Variants in GPR153 observed in about 807,000 individuals in gnomAD.
GPR153 encodes probable G protein-coupled receptor 153.
A neutral mutation model predicts 34.1 loss-of-function variants in GPR153; 27 were observed. The observed-to-expected ratio is 0.79, with a 90% confidence interval of 0.58 to 1.09. The LOEUF is 1.09. Ranked by LOEUF, GPR153 falls within the 50% of genes least tolerant of loss-of-function variation. GPR153 has a pLI of 0.00. For synonymous variants in GPR153, 408 were observed against 405.4 expected, an observed-to-expected ratio of 1.01 and a Z score of -0.08; for missense variants, 848 against 860.2, an observed-to-expected ratio of 0.99 and a Z score of 0.18.
chr1:6,251,706 G>T lies in GPR153; in HGVS notation c.787-176C>A. The T allele has an allele frequency of 3.4e-6, 1 of 290,456 alleles. No individual in the cohort carries two copies. The highest frequency in any genetic ancestry group is 5.1e-6 in the Non-Finnish European group (1 of 194,728). The allele number at this position is 290,456 out of a possible 1,614,324, so 18.0% of individuals were successfully genotyped here. On this transcript the variant is annotated intron_variant, in intron 3 of 5. Transcript: ENST00000377893. This position sits in a 1 kb window ranked among gnomAD's most constrained non-coding sequence, Gnocchi z 4.9. ...GTGGCAGTGGGAGGCCCCGCCTTCC[G>T]GGAGCTACCTGGCTACTGGGCAGCA...
At chr1:6,255,647 T>TTTG (rs1638552216) in intron 1 of GPR153, among the ~76,000 whole-genome samples, 1 of 119,072 alleles carries the variant, frequency 8.4e-6, no homozygotes, top group Non-Finnish European at 1.7e-5. Flanking sequence ...GCTACGTTTT[T>TTTG]TTTTTTTTTT....
chr1:6,251,492 C>G lies in GPR153; in HGVS notation c.825G>C (p.Ala275=). ...ACAGCACGCAGAGTGCCATCCAGGGCGCTGAGGCGTCGGCCCGCAGGCTGC... is the reference window on the plus strand; with the variant it reads ...ACAGCACGCAGAGTGCCATCCAGGGGGCTGAGGCGTCGGCCCGCAGGCTGC... ...SFSSLRADAS[A]PWMALCVLWC... is the part of the protein sequence containing the mutation. Residue 275 remains alanine (A), a synonymous_variant, in exon 4 of 6, where the codon GCG becomes GCC. Transcript: ENST00000377893. This position sits in a 1 kb window ranked among gnomAD's most constrained non-coding sequence, Gnocchi z 4.9. 1 of 1,611,002 alleles carries G rather than the reference C, an allele frequency of 6.2e-7. No individual in the cohort carries two copies. The highest frequency in any genetic ancestry group is 8.5e-7 in the Non-Finnish European group (1 of 1,179,110).
rs1638457201 is a variant in GPR153, at chr1:6,251,894, TAA to T, written c.787-366_787-365del. The stretch of plus-strand genomic sequence containing the variant: ...CACTGCAGCCTCCATCTCCTGGGCT[TAA>T]GAGATCCTCCTGCCTCGGCCTCCCA... On this transcript the variant is annotated intron_variant, in intron 3 of 5. Transcript: ENST00000377893. This position sits in a 1 kb window ranked among gnomAD's most constrained non-coding sequence, Gnocchi z 4.9. 6.6e-6 allele frequency among the ~76,000 whole-genome samples: 1 copy of T among 152,132 alleles called. No homozygotes were observed. Among genetic ancestry groups the T allele is most frequent in the Non-Finnish European group, 1.5e-5 (1 of 68,024 alleles).
chr1:6,256,429 G>A (rs1638570781), intron 1 of GPR153, among the ~76,000 whole-genome samples: 2 of 148,350 alleles, frequency 1.3e-5, no homozygotes, highest in Non-Finnish European at 3.0e-5. Flanking sequence ...GGAGTGCAGT[G>A]GCACCACCTC....
chr1:6,250,321 G>A (rs1638413391), intron 5 of GPR153, 119 bp downstream of exon 5: 1 of 1,450,740 alleles, frequency 6.9e-7, no homozygotes, highest in African/African-American at 1.4e-5. Context: ...TCCTCGGATG[G>A]TGACAGCCAC....
At position 6,247,684 on chromosome 1, in the gene GPR153, G is replaced by A. The variant is rs1638331378; in HGVS notation, c.*1654C>T. 6.6e-6 allele frequency: 1 copy of A among 152,276 alleles called. No homozygotes were observed. Among genetic ancestry groups the A allele is most frequent in the African/African-American group, 2.4e-5 (1 of 41,454 alleles). 9.4% of individuals were successfully genotyped at this position (152,276 alleles called of 1,614,324 possible). A position where few individuals can be genotyped will look rare whatever the true frequency, so the allele number is the denominator to read the frequency against. On this transcript the variant is annotated 3_prime_UTR_variant, in exon 6 of 6. Coordinates refer to ENST00000377893, the MANE Select transcript of GPR153 (RefSeq NM_207370.4). ...TGAGTGAAAACCTAAGGTGACAAGT[G>A]GACAGACGCCCCCCAGATGGAGGAG...
rs371697045 is a variant in GPR153, at chr1:6,254,066, G to A, written c.438C>T (p.Ala146=). Residue 146 remains alanine (A), a synonymous_variant, in exon 3 of 6, where the codon GCC becomes GCT. Transcript: ENST00000377893. ...MVSFILSALP[A]VGWHDTSERF... ...GCTCGCTGGTGTCGTGCCAGCCAAC[G>A]GCAGGCAGGGCCGACAGGATGAAGG... is the stretch of plus-strand genomic sequence containing the variant. The A allele has an allele frequency of 2.1e-5, 34 of 1,613,442 alleles. No individual in the cohort carries two copies. The highest frequency in any genetic ancestry group is 4.0e-5 in the African/African-American group (3 of 74,928).
chr1:6,251,307 C>T lies in GPR153; in HGVS notation c.979+31G>A, dbSNP rs770961907. 2 of 1,546,004 alleles carry T rather than the reference C, an allele frequency of 1.3e-6. No individual in the cohort carries two copies. The highest frequency in any genetic ancestry group is 2.7e-5 in the African/African-American group (2 of 73,282). ...CCAATGACCTAACCTAGACGCCACT[C>T]TCCCTGGGGCCACTCTCAGGCCATC... On this transcript the variant is annotated intron_variant, in intron 4 of 5. Coordinates refer to ENST00000377893, the MANE Select transcript of GPR153 (RefSeq NM_207370.4). The surrounding 1 kb of genome is among the most constrained non-coding windows in gnomAD (Gnocchi z 4.9).
intron 4 of GPR153, 84 bp from the exon 5 acceptor site, chr1:6,250,708 C>T (rs963334249): frequency 1.4e-6 from 1 of 702,448 alleles, no homozygotes; most frequent in Non-Finnish European, 2.4e-6. Context: ...CCAGGGATCC[C>T]CCTGAGATCC....
rs774358565 is a variant in GPR153 at position 6,254,781 on chromosome 1, A to G, written c.125T>C (p.Leu42Ser). The G allele has an allele frequency of 6.2e-7, 1 of 1,613,712 alleles. No individual in the cohort carries two copies. The highest frequency in any genetic ancestry group is 2.2e-5 in the East Asian group (1 of 44,872). The change falls in exon 2 of 6, where the codon TTG becomes TCG. Residue 42 changes from leucine (L) to serine (S), a missense_variant. Physicochemically the swap from Leu to Ser is moderately radical, Grantham distance 145. Transcript: ENST00000377893. The part of the protein sequence containing the change: ...VGAKQKKWKP[L>S]EFLLCTLAAT... ...CGCGAGTGTACACAGCAGGAACTCCAAGGGCTTCCACTTCTTCTGCTTGGC... is the reference window on the plus strand; with the variant it reads ...CGCGAGTGTACACAGCAGGAACTCCGAGGGCTTCCACTTCTTCTGCTTGGC...
Position 6,254,214 on chromosome 1 carries a change from G to T in GPR153, c.357-67C>A, listed in dbSNP as rs570266220. On this transcript the variant is annotated intron_variant, in intron 2 of 5. Coordinates refer to ENST00000377893, the MANE Select transcript of GPR153 (RefSeq NM_207370.4). ...CACAGGGCCTCCCCAGGCCTCTGGG[G>T]ACCTGTAGGGGATCCGCACCACCCA... 5 of 1,470,912 alleles carry T rather than the reference G, an allele frequency of 3.4e-6. No homozygotes were observed. The East Asian group carries it at 1.1e-4, about 34-fold the overall frequency. The allele number at this position is 1,470,912 out of a possible 1,614,324, so 91.1% of individuals were successfully genotyped here. A position where few individuals can be genotyped will look rare whatever the true frequency, so the allele number is the denominator to read the frequency against.
chr1:6,249,491 G>C lies in GPR153; in HGVS notation c.1677C>G (p.Gly559=). ...GPRPSAHSHA[G]SLRPGLSASW... ...ACGCGCTCAGGCCGGGGCGCAGAGA[G>C]CCGGCGTGCGAGTGCGCAGAGGGGC... Residue 559 remains glycine (G), a synonymous_variant, in exon 6 of 6, where the codon GGC becomes GGG. Transcript: ENST00000377893. This position sits in a 1 kb window ranked among gnomAD's most constrained non-coding sequence, Gnocchi z 4.3. The C allele has an allele frequency of 7.8e-7, 1 of 1,277,652 alleles. No individual in the cohort carries two copies. The highest frequency in any genetic ancestry group is 9.8e-7 in the Non-Finnish European group (1 of 1,017,918). 79.1% of individuals were successfully genotyped at this position (1,277,652 alleles called of 1,614,324 possible). A position where few individuals can be genotyped will look rare whatever the true frequency, so the allele number is the denominator to read the frequency against.
chr1:6,253,697 C>T, intron 3 of GPR153, 21 bp downstream of exon 3: 1 of 1,514,858 alleles, frequency 6.6e-7, no homozygotes, highest in Non-Finnish European at 8.8e-7. Flanking sequence ...ACAGGCCCCT[C>T]TACCCGACGC....
chr1:6,249,511 A>C lies in GPR153; in HGVS notation c.1657T>G (p.Ser553Ala), dbSNP rs554173853. 309 of 1,245,596 alleles carry C rather than the reference A, an allele frequency of 2.5e-4. 1 individual carries two copies. The South Asian group carries it at 5.9e-3, about 24-fold the overall frequency. The allele number at this position is 1,245,596 out of a possible 1,614,324, so 77.2% of individuals were successfully genotyped here. The part of the protein sequence containing the change: ...SAQRSPGPRP[S>A]AHSHAGSLRP... ...AGAGAGCCGGCGTGCGAGTGCGCAGAGGGGCGTGGCCCTGGGCTCCGCTGG... is the reference window on the plus strand; with the variant it reads ...AGAGAGCCGGCGTGCGAGTGCGCAGCGGGGCGTGGCCCTGGGCTCCGCTGG... The change falls in exon 6 of 6, where the codon TCT becomes GCT. Residue 553 changes from serine (S) to alanine (A), a missense_variant. Physicochemically the swap from Ser to Ala is moderately conservative, Grantham distance 99. Transcript: ENST00000377893. This position sits in a 1 kb window ranked among gnomAD's most constrained non-coding sequence, Gnocchi z 4.3.
At position 6,255,220 on chromosome 1, in the gene GPR153, A is replaced by G. The variant is rs1290700954; in HGVS notation, c.-109-206T>C. Reference sequence around the variant, plus strand: ...AAGACTATTTTTTTTTTTTTTGGAGACAGAGTCTCGCTCCGTAGCCCAGGC... The same window carrying G: ...AAGACTATTTTTTTTTTTTTTGGAGGCAGAGTCTCGCTCCGTAGCCCAGGC... On this transcript the variant is annotated intron_variant, in intron 1 of 5. Transcript: ENST00000377893. Among the ~76,000 whole-genome samples the G allele has an allele frequency of 1.3e-4, 19 of 149,460 alleles. 1 individual carries two copies. The Middle Eastern group carries it at 0.021, about 164-fold the overall frequency.
chr1:6,251,743 T>C lies in GPR153; in HGVS notation c.787-213A>G, dbSNP rs906051879. ...GCTACTGGGCAGCACTGGGTGGCCTTGCTCTGTCTTCCTCCTGGCTGCCCA... is the reference window on the plus strand; with the variant it reads ...GCTACTGGGCAGCACTGGGTGGCCTCGCTCTGTCTTCCTCCTGGCTGCCCA... On this transcript the variant is annotated intron_variant, in intron 3 of 5. Coordinates refer to ENST00000377893, the MANE Select transcript of GPR153 (RefSeq NM_207370.4). The surrounding 1 kb of genome is among the most constrained non-coding windows in gnomAD (Gnocchi z 4.9). Among the ~76,000 whole-genome samples the C allele has an allele frequency of 1.3e-5, 2 of 152,206 alleles. No individual in the cohort carries two copies. Among genetic ancestry groups the C allele is most frequent in the Non-Finnish European group, 2.9e-5 (2 of 68,024 alleles).
In GPR153 at chr1:6,250,639, G is replaced by T. The variant is rs373272326; in HGVS notation, c.980-15C>A. ...CAGGCTGGTCTCTGTAGGGTGGGGG[G>T]TGGGTGGGGGGGCAGAGCCTTAGGG... On this transcript the variant is annotated splice_polypyrimidine_tract_variant and intron_variant, in intron 4 of 5. Transcript: ENST00000377893. 2 of 205,626 alleles carry T rather than the reference G, an allele frequency of 9.7e-6. No individual in the cohort carries two copies. The highest frequency in any genetic ancestry group is 1.9e-4 in the East Asian group (1 of 5,248). 12.7% of individuals were successfully genotyped at this position (205,626 alleles called of 1,614,324 possible).
chr1:6,255,756 A>G (rs1318353157), intron 1 of GPR153, among the ~76,000 whole-genome samples: 2 of 145,360 alleles, frequency 1.4e-5, no homozygotes, highest in African/African-American at 5.1e-5. Flanking sequence ...GCGTTCAAGC[A>G]ATTCTCCGGC....
intron 3 of GPR153, among the ~76,000 whole-genome samples, chr1:6,253,266 G>A (rs1042017566): frequency 1.9e-4 from 29 of 152,220 alleles, no homozygotes; most frequent in Middle Eastern, 3.4e-3. Context: ...GCGTGGCAGC[G>A]GGCACCTGTA....
Sources: gnomAD v4.1 joint callset for allele counts (sites outside exome capture counted in the v4.1 genomes callset) on GRCh38, gnomAD v4.1.1 for gene constraint, Gnocchi (gnomAD v3.1) non-coding constraint, MANE v1.5 for transcripts, NCBI Gene and HGNC (gene_info 2026-07-23, HGNC 2026-07-21) for gene names.